Variants in SMC5 observed in about 807,000 individuals in gnomAD.
The protein encoded by SMC5 is structural maintenance of chromosomes 5.
In SMC5, 88 loss-of-function variants were observed where a neutral mutation model predicts 148.3. That is an observed-to-expected ratio of 0.59 (90% CI 0.50 to 0.71). The LOEUF (loss-of-function observed/expected upper bound fraction) is 0.71, where lower values mean the gene tolerates loss of function less well. Ranked by LOEUF, SMC5 falls within the 30% of genes least tolerant of loss-of-function variation. The probability of loss-of-function intolerance (pLI) is 0.00; values close to 1 mark genes in which losing one functional copy is unlikely to be tolerated. For missense variants in SMC5, 1,142 were observed against 1,298.9 expected, an observed-to-expected ratio of 0.88 and a Z score of 1.86; for synonymous variants, 421 against 432.8, an observed-to-expected ratio of 0.97 and a Z score of 0.34.
At chr9:70,281,415 T>A (rs987025218) in intron 6 of SMC5, among the ~76,000 whole-genome samples, 13 of 152,220 alleles carry the variant, frequency 8.5e-5, no homozygotes, top group Non-Finnish European at 2.9e-5. Context: ...ACAGTGCTCT[T>A]AATTCTTCCA....
chr9:70,265,318 G>T (rs1470240436), intron 2 of SMC5, among the ~76,000 whole-genome samples: 1 of 152,196 alleles, frequency 6.6e-6, no homozygotes, highest in South Asian at 2.1e-4. Flanking sequence ...AATTAGCCAG[G>T]CATGGTGGCG....
chr9:70,310,539 A>AATC (rs1405870291), intron 11 of SMC5, among the ~76,000 whole-genome samples: 1 of 152,220 alleles, frequency 6.6e-6, no homozygotes, highest in Non-Finnish European at 1.5e-5. Flanking sequence ...ATTTAGCATA[A>AATC]TTCTAAAGGG....
In SMC5 at chr9:70,314,906, C is replaced by T. The variant is rs548535103; in HGVS notation, c.1673+70C>T. 8 of 965,588 alleles carry T rather than the reference C, an allele frequency of 8.3e-6. No homozygotes were observed. The African/African-American group carries it at 1.4e-4, about 16-fold the overall frequency. 59.8% of individuals were successfully genotyped at this position (965,588 alleles called of 1,614,324 possible). Reference sequence around the variant, plus strand: ...CAACATTTATTGTTACATAAATAAGCTATTACAAGCTGTATTATTTCCTTT... The same window carrying T: ...CAACATTTATTGTTACATAAATAAGTTATTACAAGCTGTATTATTTCCTTT... On this transcript the variant is annotated intron_variant, in intron 12 of 24. Coordinates refer to ENST00000361138, the MANE Select transcript of SMC5 (RefSeq NM_015110.4).
At chr9:70,320,079 A>AT (rs1464914773) in intron 15 of SMC5, among the ~76,000 whole-genome samples, 1 of 152,216 alleles carries the variant, frequency 6.6e-6, no homozygotes, top group East Asian at 1.9e-4. Flanking sequence ...ATAGTTTGTC[A>AT]TTTTTTTAAA....
chr9:70,296,823 T>A (rs571245942), intron 8 of SMC5, among the ~76,000 whole-genome samples: 1 of 152,332 alleles, frequency 6.6e-6, no homozygotes, highest in South Asian at 2.1e-4. Context: ...AAATCTTTAC[T>A]CTGTCTTAGG....
rs550600548 is a variant in SMC5 at position 70,309,197 on chromosome 9, G to T, written c.1578+3837G>T. Among the ~76,000 whole-genome samples the T allele has an allele frequency of 7.2e-4, 110 of 152,016 alleles. 1 individual carries two copies. Among genetic ancestry groups the T allele is most frequent in the African/African-American group, 2.6e-3 (106 of 41,474 alleles). Reference sequence around the variant, plus strand: ...GTTGCTGAAGGTTGGGGTGGCAGTGGCAGTTTCTTAAAGAAGACAACAATA... The same window carrying T: ...GTTGCTGAAGGTTGGGGTGGCAGTGTCAGTTTCTTAAAGAAGACAACAATA... On this transcript the variant is annotated intron_variant, in intron 11 of 24. Transcript: ENST00000361138.
At position 70,259,218 on chromosome 9, in the gene SMC5, C is replaced by G; in HGVS notation, c.140C>G (p.Pro47Arg). The G allele has an allele frequency of 6.2e-7, 1 of 1,605,504 alleles. No homozygotes were observed. The highest frequency in any genetic ancestry group is 8.5e-7 in the Non-Finnish European group (1 of 1,175,772). Residue 47 changes from proline to arginine, a missense_variant, in exon 1 of 25, where the codon CCT (proline) becomes CGT (arginine). Pro to Arg is a moderately radical substitution (Grantham distance 103). Around this residue, in one of 5 missense-constraint regions of SMC5, gnomAD observed 297 missense variants for 302.6 expected, o/e 0.98. Transcript: ENST00000361138. Reference sequence around the variant, plus strand: ...CTGCCGCTGTTGCAGTCGTCCGGGCCTTTCGTGGAAGGCTCTATCGTCCGC... The same window carrying G: ...CTGCCGCTGTTGCAGTCGTCCGGGCGTTTCGTGGAAGGCTCTATCGTCCGC... ...PQLPLLQSSG[P>R]FVEGSIVRIS...
At chr9:70,300,337 A>G (rs1275244953) in intron 10 of SMC5, 137 bp downstream of exon 10, 2 of 683,124 alleles carry the variant, frequency 2.9e-6, no homozygotes, top group African/African-American at 1.9e-5. Context: ...TGCTGAATCT[A>G]TACATGAGCT....
At chr9:70,337,157 C>T (rs1000906643) in intron 17 of SMC5, among the ~76,000 whole-genome samples, 2 of 152,138 alleles carry the variant, frequency 1.3e-5, no homozygotes, top group Non-Finnish European at 2.9e-5. Flanking sequence ...TGGGTGGGGA[C>T]ACAGCCAAAC....
chr9:70,308,831 T>C (rs1277069880), intron 11 of SMC5, among the ~76,000 whole-genome samples: 6 of 152,092 alleles, frequency 3.9e-5, no homozygotes, highest in African/African-American at 1.4e-4. Context: ...TACGTAGACA[T>C]ATCGATTTTT....
chr9:70,288,149 C>T (rs2034960274), intron 8 of SMC5, among the ~76,000 whole-genome samples: 1 of 152,100 alleles, frequency 6.6e-6, no homozygotes, highest in Admixed American at 6.5e-5. Context: ...CCCTTATATT[C>T]CTGTCATGAA....
At chr9:70,276,722 C>T (rs146516459) in intron 3 of SMC5, among the ~76,000 whole-genome samples, 3 of 152,230 alleles carry the variant, frequency 2.0e-5, no homozygotes, top group East Asian at 1.9e-4. Flanking sequence ...CTTCTAAAAG[C>T]GAGAAATAAG....
At chr9:70,281,721 T>G (rs1332902235) in intron 6 of SMC5, among the ~76,000 whole-genome samples, 1 of 152,214 alleles carries the variant, frequency 6.6e-6, no homozygotes, top group Non-Finnish European at 1.5e-5. Flanking sequence ...ATTCCATCAT[T>G]TCATGATTCT....
At chr9:70,329,499 G>A (rs12686312) in intron 17 of SMC5, among the ~76,000 whole-genome samples, 10,499 of 152,176 alleles carry the variant, frequency 0.069, 579 homozygotes, top group East Asian at 0.22. Flanking sequence ...CTAAAACATA[G>A]CAAGAGTGAC....
At chr9:70,300,615 G>T (rs961610025) in intron 10 of SMC5, among the ~76,000 whole-genome samples, 1 of 152,018 alleles carries the variant, frequency 6.6e-6, no homozygotes, top group African/African-American at 2.4e-5. Context: ...CAAAGAACGG[G>T]CATTCTTAGG....
chr9:70,296,866 A>G (rs1172387472), intron 8 of SMC5, among the ~76,000 whole-genome samples: 2 of 152,234 alleles, frequency 1.3e-5, no homozygotes, highest in African/African-American at 4.8e-5. Flanking sequence ...TTTCACTGAC[A>G]TCAAGTGGCA....
chr9:70,273,235 G>T (rs2034499386), intron 3 of SMC5, among the ~76,000 whole-genome samples: 1 of 148,238 alleles, frequency 6.7e-6, no homozygotes, highest in Non-Finnish European at 1.5e-5. Flanking sequence ...TCTAACTACT[G>T]ATTTCATTTA....
At chr9:70,273,799 C>G (rs1055092412) in intron 3 of SMC5, among the ~76,000 whole-genome samples, 14 of 152,120 alleles carry the variant, frequency 9.2e-5, no homozygotes, top group Non-Finnish European at 1.6e-4. Context: ...TTTTATGTTA[C>G]TCATCCTTTG....
At chr9:70,309,318 C>CTTTTTTTTTTTTTTTTT (rs59694037) in intron 11 of SMC5, among the ~76,000 whole-genome samples, 17 of 79,178 alleles carry the variant, frequency 2.1e-4, no homozygotes, top group Non-Finnish European at 3.0e-4. Context: ...TTTCCTTTTC[C>CTTTTTTTTTTTTTTTTT]TTTTTTTTTT....
Sources: allele counts gnomAD v4.1 joint callset (sites outside exome capture counted in the v4.1 genomes callset), GRCh38; gene constraint gnomAD v4.1.1; regional missense constraint gnomAD v4.1.1; transcripts MANE v1.5; gene names NCBI Gene and HGNC (gene_info 2026-07-23, HGNC 2026-07-21).